ATM: variants seen among roughly 807,000 people sequenced by gnomAD.
The protein encoded by ATM is ATM serine/threonine kinase.
ATM carries 308 observed loss-of-function variants against 387.0 expected under a neutral mutation model. The ratio of observed to expected loss-of-function variants is 0.80; its 90% confidence interval spans 0.73 to 0.87. The LOEUF (loss-of-function observed/expected upper bound fraction) is 0.87. Among genes scored for constraint, ATM ranks in the 40% least tolerant of loss-of-function variants. ATM has a pLI of 0.00. For synonymous variants in ATM, 1,156 were observed against 1,187.3 expected (o/e 0.97, Z 0.54); for missense variants, 3,312 against 3,560.9 (o/e 0.93, Z 1.78).
At position 108,271,147 on chromosome 11, in the gene ATM, G is replaced by T. The variant is rs587781558; in HGVS notation, c.2921+1G>T. 6 of 1,613,346 alleles carry T rather than the reference G, an allele frequency of 3.7e-6. No homozygotes were observed. Among genetic ancestry groups the T allele is most frequent in the Non-Finnish European group, 4.2e-6 (5 of 1,179,850 alleles). Reference sequence around the variant, plus strand: ...TTCTTGAACTTCTGAAACCACTATCGTAAGAAATTAAAACCTTATGTTATG... The same window carrying T: ...TTCTTGAACTTCTGAAACCACTATCTTAAGAAATTAAAACCTTATGTTATG... On this transcript the variant is annotated splice_donor_variant, in intron 19 of 62. Transcript: ENST00000675843. LOFTEE classifies it high-confidence loss of function.
chr11:108,293,181 T>A, intron 30 of ATM, 132 bp from the exon 31 acceptor site: 1 of 641,160 alleles, frequency 1.6e-6, no homozygotes, highest in Non-Finnish European at 2.6e-6. Context: ...AAAAGCTGGG[T>A]ATCTTAGACG....
chr11:108,338,300 C>T (rs749187732), intron 56 of ATM, among the ~76,000 whole-genome samples: 1 of 151,740 alleles, frequency 6.6e-6, no homozygotes, highest in Non-Finnish European at 1.5e-5. Flanking sequence ...GCAGTTGAGC[C>T]GAGATCACAC....
chr11:108,289,723 T>C lies in ATM; in HGVS notation c.4358T>C (p.Ile1453Thr), dbSNP rs587782126. The change falls in exon 29 of 63, where the codon ATA (isoleucine) becomes ACA (threonine). Residue 1453 changes from isoleucine to threonine, a missense_variant. By Grantham distance (89) the Ile-to-Thr change is moderately conservative. Coordinates refer to ENST00000675843, the MANE Select transcript of ATM (RefSeq NM_000051.4). ...TTTGTTAGTTTATTACTGAAAGATATAAAAAGTGGCTTAGGAGGAGCTTGG... is the reference window on the plus strand; with the variant it reads ...TTTGTTAGTTTATTACTGAAAGATACAAAAAGTGGCTTAGGAGGAGCTTGG... Reference protein sequence around the residue: ...HLFVSLLLKDIKSGLGGAWAF... With the variant: ...HLFVSLLLKDTKSGLGGAWAF... 5.0e-6 allele frequency: 8 copies of C among 1,613,798 alleles called. No individual in the cohort carries two copies. Among genetic ancestry groups the C allele is most frequent in the African/African-American group, 4.0e-5 (3 of 75,048 alleles).
intron 15 of ATM, 132 bp from the exon 16 acceptor site, chr11:108,258,854 A>G (rs2080680782): frequency 7.2e-6 from 5 of 696,038 alleles, no homozygotes; most frequent in Non-Finnish European, 1.3e-5. Flanking sequence ...TGTGTTTTTG[A>G]AGCAGCATAT....
chr11:108,358,224 G>A (rs1167547079), intron 61 of ATM, among the ~76,000 whole-genome samples: 1 of 150,974 alleles, frequency 6.6e-6, no homozygotes, highest in African/African-American at 2.4e-5. Context: ...ATGAAATGAA[G>A]CGAGAAGGGA....
rs2135705620 is a variant in ATM at position 108,284,285 on chromosome 11, A to C, written c.3805A>C (p.Lys1269Gln). The C allele has an allele frequency of 6.2e-7, 1 of 1,613,572 alleles. No individual in the cohort carries two copies. The highest frequency in any genetic ancestry group is 8.5e-7 in the Non-Finnish European group (1 of 1,179,534). Reference sequence around the variant, plus strand: ...GATTAGAAGTCATTTTGATGAGGTGAAGTCCATTGCTAATCAGATTCAAGA... The same window carrying C: ...GATTAGAAGTCATTTTGATGAGGTGCAGTCCATTGCTAATCAGATTCAAGA... The part of the protein sequence containing the change: ...LVIRSHFDEV[K>Q]SIANQIQEDW... The change falls in exon 26 of 63, where the codon AAG (lysine) becomes CAG (glutamine). Residue 1269 changes from lysine (K) to glutamine (Q), a missense_variant. By Grantham distance (53) the Lys-to-Gln change is moderately conservative. Transcript: ENST00000675843.
At position 108,267,224 on chromosome 11, in the gene ATM, TG is replaced by T. The variant is rs1175457710; in HGVS notation, c.2521del (p.Asp841IlefsTer6). On this transcript the variant is annotated frameshift_variant, in exon 17 of 63. Transcript: ENST00000675843. LOFTEE classifies it high-confidence loss of function. Reference protein sequence around the residue: ...DRGEVESMEDDTNGNLMEVED... With the variant: ...DRGEVESMEDXTNGNLMEVED... ...GTGGAGAAGTAGAATCAATGGAAGA[TG>T]ATACTAATGGAAATCTAATGGAGGT... 6.2e-7 allele frequency: 1 copy of T among 1,614,160 alleles called. No homozygotes were observed. Among genetic ancestry groups the T allele is most frequent in the Non-Finnish European group, 8.5e-7 (1 of 1,180,010 alleles).
chr11:108,266,485 TGGGGTG>T (rs537797938), intron 16 of ATM, among the ~76,000 whole-genome samples: 1,563 of 100,684 alleles, frequency 0.016, 44 homozygotes, highest in African/African-American at 0.058. Flanking sequence ...TGGACTGTTG[TGGGGTG>T]GGGGGAGGGG....
At chr11:108,258,919 C>T (rs767529027) in intron 15 of ATM, 67 bp from the exon 16 acceptor site, 33 of 1,308,806 alleles carry the variant, frequency 2.5e-5, no homozygotes, top group Non-Finnish European at 3.5e-5. Flanking sequence ...ATAGAGAAAA[C>T]ACTGTCTGCC....
intron 33 of ATM, among the ~76,000 whole-genome samples, chr11:108,298,175 C>T (rs2083225165): frequency 6.6e-6 from 1 of 152,122 alleles, no homozygotes. Flanking sequence ...TTAGTGACCA[C>T]GGGATGGAGA....
chr11:108,291,095 G>A (rs1362735135), intron 29 of ATM, among the ~76,000 whole-genome samples: 3 of 152,088 alleles, frequency 2.0e-5, no homozygotes, highest in African/African-American at 7.2e-5. Flanking sequence ...AATTAGCCAG[G>A]TGTGGTGGCA....
intron 16 of ATM, among the ~76,000 whole-genome samples, chr11:108,263,047 C>T (rs2081001800): frequency 6.6e-6 from 1 of 152,092 alleles, no homozygotes; most frequent in South Asian, 2.1e-4. Context: ...AGACTTTTAA[C>T]ACCCCACTGT....
At chr11:108,244,633 A>AT (rs11298747) in intron 6 of ATM, among the ~76,000 whole-genome samples, 155 bp from the exon 7 acceptor site, 1 of 150,698 alleles carries the variant, frequency 6.6e-6, no homozygotes, top group Non-Finnish European at 1.5e-5. Flanking sequence ...TAATGCTGTG[A>AT]TTTTTTTTTT....
Position 108,294,950 on chromosome 11 carries a change from A to G in ATM, c.4800A>G (p.Val1600=), listed in dbSNP as rs1476573499. 1 of 1,613,786 alleles carries G rather than the reference A, an allele frequency of 6.2e-7. No individual in the cohort carries two copies. Residue 1600 remains valine (V), a synonymous_variant, in exon 32 of 63, where the codon GTA becomes GTG. Coordinates refer to ENST00000675843, the MANE Select transcript of ATM (RefSeq NM_000051.4). ...AGGAAATTAACCATTTTCTCTCAGT[A>G]AGTGTTTATGATGCACTTCCATTGA... ...LLEEINHFLS[V]SVYDALPLTR...
chr11:108,234,710 C>T (rs1282384400), intron 4 of ATM, among the ~76,000 whole-genome samples: 1 of 151,906 alleles, frequency 6.6e-6, no homozygotes, highest in African/African-American at 2.4e-5. Context: ...CATGGTGGCA[C>T]AACATCTATA....
Position 108,243,974 on chromosome 11 carries a change from G to A in ATM, c.518G>A (p.Arg173Lys). 6.2e-7 allele frequency: 1 copy of A among 1,600,254 alleles called. No individual in the cohort carries two copies. ...TAAGAATTGTTCTCTGTGTACTTCA[G>A]GCTCTATCTGAAACCTTCACAAGAT... ...QWLELFSVYFRLYLKPSQDVH... is the reference protein window; with the variant it reads ...QWLELFSVYFKLYLKPSQDVH... The change falls in exon 6 of 63, where the codon AGG becomes AAG. Residue 173 changes from arginine to lysine, a missense_variant. Physicochemically the swap from Arg to Lys is conservative, Grantham distance 26. Coordinates refer to ENST00000675843, the MANE Select transcript of ATM (RefSeq NM_000051.4).
intron 16 of ATM, among the ~76,000 whole-genome samples, chr11:108,261,318 C>T (rs1195637607): frequency 6.6e-6 from 1 of 152,176 alleles, no homozygotes; most frequent in African/African-American, 2.4e-5. Context: ...TCAAGTGGGT[C>T]CCTGACCCTG....
chr11:108,355,334 G>T, intron 61 of ATM: 1 of 193,720 alleles, frequency 5.2e-6, no homozygotes, highest in Non-Finnish European at 1.1e-5. Flanking sequence ...GTTTACTGCT[G>T]GTGCTACCTC....
chr11:108,311,405 A>T (rs904996720), intron 39 of ATM, among the ~76,000 whole-genome samples: 1 of 152,232 alleles, frequency 6.6e-6, no homozygotes, highest in Non-Finnish European at 1.5e-5. Context: ...TAGTTAAAAA[A>T]GTAAAGAAGG....
Sources: gnomAD v4.1 joint callset for allele counts (sites outside exome capture counted in the v4.1 genomes callset) on GRCh38, gnomAD v4.1.1 for gene constraint, MANE v1.5 for transcripts, NCBI Gene and HGNC (gene_info 2026-07-23, HGNC 2026-07-21) for gene names.